The following ACTR3C variants were observed in gnomAD, a reference collection of about 807,000 sequenced individuals.
The protein encoded by ACTR3C is actin related protein 3C, also known as actin-related protein 3C.
In ACTR3C, 18 loss-of-function variants were observed where a neutral mutation model predicts 26.3. The ratio of observed to expected loss-of-function variants is 0.68; its 90% CI spans 0.47 to 1.01. ACTR3C has a LOEUF of 1.01. ACTR3C is among the 50% of genes least tolerant of loss of function. The pLI is 0.00. For synonymous variants in ACTR3C, 55 were observed against 94.5 expected, an observed-to-expected ratio of 0.58 and a Z score of 2.42; for missense variants, 184 against 250.7, an observed-to-expected ratio of 0.73 and a Z score of 1.80.
chr7:150,313,942 TG>T (rs1321659756), intron 1 of ACTR3C, among the ~76,000 whole-genome samples: 1 of 152,186 alleles, frequency 6.6e-6, no homozygotes, highest in African/African-American at 2.4e-5. Context: ...AAGATGCACC[TG>T]GGTAAGTGTT....
At chr7:149,965,631 A>G in the ACTR3C span, among the ~76,000 whole-genome samples, 1 of 152,258 alleles carries the variant, frequency 6.6e-6, no homozygotes, top group East Asian at 1.9e-4. Flanking sequence ...CCAGGATGTC[A>G]TCAGTCACAA....
At chr7:149,983,449 G>GTGTGTGTGTGTATATATATATATATATA in the ACTR3C span, among the ~76,000 whole-genome samples, 3 of 23,306 alleles carry the variant, frequency 1.3e-4, no homozygotes, top group African/African-American at 4.4e-4. Context: ...GTGTGTGTGT[G>GTGTGTGTGTGTATATATATATATATATA]TATATATATA....
the ACTR3C span, among the ~76,000 whole-genome samples, chr7:149,898,998 G>A: frequency 1.3e-5 from 2 of 152,010 alleles, no homozygotes; most frequent in African/African-American, 4.8e-5. Flanking sequence ...CCCCGGCCCA[G>A]CAGTAACATG....
At chr7:150,020,824 T>C in the ACTR3C span, among the ~76,000 whole-genome samples, 2 of 152,300 alleles carry the variant, frequency 1.3e-5, no homozygotes, top group Middle Eastern at 6.8e-3. Context: ...TTTAAAAATT[T>C]ATTATTTATT....
chr7:150,180,408 C>T, the ACTR3C span, among the ~76,000 whole-genome samples: 2 of 150,840 alleles, frequency 1.3e-5, no homozygotes, highest in Admixed American at 1.3e-4. Flanking sequence ...TTTTTTACTT[C>T]CCTGACCAGT....
At chr7:150,190,909 G>A in the ACTR3C span, among the ~76,000 whole-genome samples, 1 of 152,112 alleles carries the variant, frequency 6.6e-6, no homozygotes, top group South Asian at 2.1e-4. Flanking sequence ...AGGGGGAAAA[G>A]CCCCATATAA....
At chr7:149,974,250 T>A in the ACTR3C span, among the ~76,000 whole-genome samples, 2 of 139,992 alleles carry the variant, frequency 1.4e-5, no homozygotes, top group Non-Finnish European at 3.1e-5. Flanking sequence ...TTATTATGAC[T>A]TCTATTACCC....
chr7:150,108,572 G>C, the ACTR3C span, among the ~76,000 whole-genome samples: 3 of 148,660 alleles, frequency 2.0e-5, no homozygotes, highest in African/African-American at 7.6e-5. Context: ...TTGGGGGGTG[G>C]GGCCTTTTGG....
At chr7:150,319,311 G>A (rs1797251270) in intron 1 of ACTR3C, among the ~76,000 whole-genome samples, 1 of 151,810 alleles carries the variant, frequency 6.6e-6, no homozygotes, top group African/African-American at 2.4e-5. Flanking sequence ...AGGTTCAAGC[G>A]ATTCTCCTGC....
chr7:150,119,006 G>A, the ACTR3C span, among the ~76,000 whole-genome samples: 1 of 150,952 alleles, frequency 6.6e-6, no homozygotes, highest in South Asian at 2.1e-4. Flanking sequence ...AAGCAAAGGA[G>A]AAATAAAATC....
chr7:150,104,097 C>A, the ACTR3C span, among the ~76,000 whole-genome samples: 1 of 151,380 alleles, frequency 6.6e-6, no homozygotes, highest in African/African-American at 2.4e-5. Flanking sequence ...AGTCTTTTTT[C>A]TAAACAAATA....
At chr7:150,262,789 A>G (rs1471786426) in intron 6 of ACTR3C, among the ~76,000 whole-genome samples, 1 of 152,250 alleles carries the variant, frequency 6.6e-6, no homozygotes, top group Non-Finnish European at 1.5e-5. Context: ...ATTTGATTAG[A>G]GTAGTAGGAA....
At chr7:150,064,766 A>G in the ACTR3C span, among the ~76,000 whole-genome samples, 3 of 151,036 alleles carry the variant, frequency 2.0e-5, no homozygotes, top group Admixed American at 2.0e-4. Context: ...TCACATTCGG[A>G]AGGCAGTCTA....
At chr7:150,085,036 C>T in the ACTR3C span, among the ~76,000 whole-genome samples, 1 of 152,132 alleles carries the variant, frequency 6.6e-6, no homozygotes, top group African/African-American at 2.4e-5. Flanking sequence ...AACCCCAGGG[C>T]TTGTGGCTTG....
At chr7:150,180,262 G>A in the ACTR3C span, among the ~76,000 whole-genome samples, 100,737 of 147,506 alleles carry the variant, frequency 0.68, 34,660 homozygotes, top group East Asian at 0.82. Flanking sequence ...CCGAGATCGC[G>A]CCACTGCACT....
At chr7:149,943,506 C>T in the ACTR3C span, among the ~76,000 whole-genome samples, 8 of 151,192 alleles carry the variant, frequency 5.3e-5, no homozygotes, top group Admixed American at 3.3e-4. Flanking sequence ...GCGGGCAGAT[C>T]GCCTGAGATC....
chr7:150,054,934 G>A, the ACTR3C span, among the ~76,000 whole-genome samples: 4 of 152,182 alleles, frequency 2.6e-5, no homozygotes, highest in African/African-American at 7.2e-5. Flanking sequence ...CACATTATCC[G>A]ACTGATAATG....
chr7:150,022,797 T>C, the ACTR3C span, among the ~76,000 whole-genome samples: 6 of 152,252 alleles, frequency 3.9e-5, no homozygotes, highest in South Asian at 1.0e-3. Flanking sequence ...ATTGTTTCTG[T>C]TTGGTCCATT....
At chr7:150,065,570 A>C in the ACTR3C span, among the ~76,000 whole-genome samples, 3 of 152,346 alleles carry the variant, frequency 2.0e-5, no homozygotes, top group Middle Eastern at 6.8e-3. Context: ...CTCAGAAAGC[A>C]GAGCCTAGGG....
Sources: allele counts gnomAD v4.1 joint callset (sites outside exome capture counted in the v4.1 genomes callset), GRCh38; gene constraint gnomAD v4.1.1; transcripts MANE v1.5; gene names NCBI Gene and HGNC (gene_info 2026-07-23, HGNC 2026-07-21).